DENND3: variants seen among roughly 807,000 people sequenced by gnomAD.
The protein encoded by DENND3 is DENN domain containing 3, also known as DENN domain-containing protein 3.
DENND3 carries 88 observed loss-of-function variants against 135.1 expected under a neutral mutation model. The ratio of observed to expected loss-of-function variants is 0.65; its 90% CI spans 0.55 to 0.78. DENND3 has a LOEUF of 0.78. Among genes scored for constraint, DENND3 ranks in the 30% least tolerant of loss-of-function variants. The pLI, the probability that DENND3 is intolerant of heterozygous loss-of-function variation, is 0.00. For missense variants in DENND3, 1,392 were observed against 1,688.4 expected, an observed-to-expected ratio of 0.82 and a Z score of 3.08; for synonymous variants, 693 against 712.3, an observed-to-expected ratio of 0.97 and a Z score of 0.43.
intron 1 of DENND3, among the ~76,000 whole-genome samples, chr8:141,132,636 C>T (rs566311522): frequency 2.0e-5 from 3 of 152,256 alleles, no homozygotes; most frequent in South Asian, 2.1e-4. Flanking sequence ...GGATTACAGG[C>T]GTGAGCCACT....
In DENND3 at chr8:141,156,063, T is replaced by A. The variant is rs1819390610; in HGVS notation, c.1196+93T>A. ...AGTATCTTTTCCAATTTTATATAACTGATAGATGTTTTATATATTATAGTT... is the reference window on the plus strand; with the variant it reads ...AGTATCTTTTCCAATTTTATATAACAGATAGATGTTTTATATATTATAGTT... On this transcript the variant is annotated intron_variant, in intron 8 of 22. Coordinates refer to ENST00000519811, the MANE Select transcript of DENND3 (RefSeq NM_001352890.3). The A allele has an allele frequency of 2.8e-6, 4 of 1,426,306 alleles. No homozygotes were observed. In the Admixed American group the frequency reaches 7.6e-5, roughly 27 times the overall value. 88.4% of individuals were successfully genotyped at this position (1,426,306 alleles called of 1,614,324 possible). A position where few individuals can be genotyped will look rare whatever the true frequency, so the allele number is the denominator to read the frequency against.
rs1328809333 is a variant in DENND3 at position 141,189,139 on chromosome 8, G to A, written c.3238G>A (p.Ala1080Thr). Reference protein sequence around the residue: ...TDLIVQDGQEAPSNVYSCSMD... With the variant: ...TDLIVQDGQETPSNVYSCSMD... ...TTTGATTGTGCAGGACGGACAGGAG[G>A]CACCCAGGTGCAGTAAGCTCTGCTG... is the stretch of plus-strand genomic sequence containing the variant. Residue 1080 changes from alanine to threonine, a missense_variant, in exon 19 of 23, where the codon GCA (alanine) becomes ACA (threonine). Ala to Thr is a moderately conservative substitution (Grantham distance 58). Coordinates refer to ENST00000519811, the MANE Select transcript of DENND3 (RefSeq NM_001352890.3). 1.2e-6 allele frequency: 2 copies of A among 1,614,194 alleles called. No homozygotes were observed. The highest frequency in any genetic ancestry group is 2.2e-5 in the South Asian group (2 of 91,076).
At chr8:141,187,549 G>A (rs1250112104) in intron 18 of DENND3, among the ~76,000 whole-genome samples, 1 of 152,122 alleles carries the variant, frequency 6.6e-6, no homozygotes, top group African/African-American at 2.4e-5. Context: ...TGATGGCTGT[G>A]TTCCCTTGTC....
In DENND3 at chr8:141,137,893, C is replaced by G. The variant is rs1816961772; in HGVS notation, c.386-129C>G. 1 of 870,178 alleles carries G rather than the reference C, an allele frequency of 1.1e-6. No homozygotes were observed. Among genetic ancestry groups the G allele is most frequent in the East Asian group, 2.8e-5 (1 of 36,034 alleles). The allele number at this position is 870,178 out of a possible 1,614,324, so 53.9% of individuals were successfully genotyped here. On this transcript the variant is annotated intron_variant, in intron 2 of 22. Transcript: ENST00000519811. The surrounding 1 kb of genome is among the most constrained non-coding windows in gnomAD (Gnocchi z 4.1). ...GGCGTGATCGGAAGAATGAACCCGC[C>G]TTGGACATGAAGGCACCACCACTGC...
chr8:141,144,075 T>A lies in DENND3; in HGVS notation c.624-73T>A. ...AGACGCTGGGGAGATTCCAGTGTGA[T>A]TAGAAACGCTAACGATGACAACTGC... On this transcript the variant is annotated intron_variant, in intron 4 of 22. Transcript: ENST00000519811. This position sits in a 1 kb window ranked among gnomAD's most constrained non-coding sequence, Gnocchi z 4.4. 7.7e-7 allele frequency: 1 copy of A among 1,306,818 alleles called. No individual in the cohort carries two copies. Among genetic ancestry groups the A allele is most frequent in the Non-Finnish European group, 1.1e-6 (1 of 931,486 alleles). The allele number at this position is 1,306,818 out of a possible 1,614,324, so 81.0% of individuals were successfully genotyped here.
chr8:141,130,694 T>A lies in DENND3; in HGVS notation c.102+1885T>A, dbSNP rs1382672550. 2.0e-5 allele frequency among the ~76,000 whole-genome samples: 3 copies of A among 151,140 alleles called. No individual in the cohort carries two copies. Among genetic ancestry groups the A allele is most frequent in the Non-Finnish European group, 3.0e-5 (2 of 67,618 alleles). ...AATGTCCAAGGCTTTTAAATATATT[T>A]TTTTTTTTTTGAGACAGAGTTTTGC... On this transcript the variant is annotated intron_variant, in intron 1 of 22. Transcript: ENST00000519811. The surrounding 1 kb of genome is among the most constrained non-coding windows in gnomAD (Gnocchi z 4.2).
At chr8:141,133,971 T>C (rs1428682243) in intron 1 of DENND3, among the ~76,000 whole-genome samples, 1 of 152,040 alleles carries the variant, frequency 6.6e-6, no homozygotes, top group Admixed American at 6.6e-5. Flanking sequence ...TTCAGGAGGA[T>C]GGTGCGAAGG....
At chr8:141,161,841 C>A (rs1820172370) in intron 9 of DENND3, among the ~76,000 whole-genome samples, 1 of 148,656 alleles carries the variant, frequency 6.7e-6, no homozygotes, top group African/African-American at 2.5e-5. Flanking sequence ...CACTCTGTCA[C>A]CCAGCCTGGA....
In DENND3 at chr8:141,166,426, T is replaced by C; in HGVS notation, c.1753+37T>C. On this transcript the variant is annotated intron_variant, in intron 12 of 22. Transcript: ENST00000519811. The surrounding 1 kb of genome is among the most constrained non-coding windows in gnomAD (Gnocchi z 4.3). ...CCCCCACTGTGGTGCTGTGTGTCGG[T>C]CCCACCATTCCTGCACCTGCAAGTC... 6.3e-7 allele frequency: 1 copy of C among 1,575,464 alleles called. No individual in the cohort carries two copies. The highest frequency in any genetic ancestry group is 8.6e-7 in the Non-Finnish European group (1 of 1,162,336).
chr8:141,135,041 G>GTGTT (rs1247148554), intron 1 of DENND3, among the ~76,000 whole-genome samples: 1 of 152,156 alleles, frequency 6.6e-6, no homozygotes, highest in East Asian at 1.9e-4. Flanking sequence ...GGGTTTCACT[G>GTGTT]TGTTAGCCAG....
chr8:141,187,421 C>T (rs1824037452), intron 18 of DENND3, among the ~76,000 whole-genome samples: 1 of 152,104 alleles, frequency 6.6e-6, no homozygotes, highest in African/African-American at 2.4e-5. Context: ...GATGGGGTTT[C>T]ACCGTGCTGC....
chr8:141,141,416 G>A lies in DENND3; in HGVS notation c.623+92G>A. ...AGGGACCAGGGGGCTGGAGGTGGTG[G>A]GGGGGCAGCTCTCTGTTCCTCTCCT... On this transcript the variant is annotated intron_variant, in intron 4 of 22. Coordinates refer to ENST00000519811, the MANE Select transcript of DENND3 (RefSeq NM_001352890.3). The surrounding 1 kb of genome is among the most constrained non-coding windows in gnomAD (Gnocchi z 5.3). The A allele has an allele frequency of 3.4e-6, 5 of 1,469,528 alleles. No homozygotes were observed. The highest frequency in any genetic ancestry group is 1.2e-5 in the South Asian group (1 of 84,860). 91.0% of individuals were successfully genotyped at this position (1,469,528 alleles called of 1,614,324 possible). A position where few individuals can be genotyped will look rare whatever the true frequency, so the allele number is the denominator to read the frequency against.
chr8:141,160,792 G>A lies in DENND3; in HGVS notation c.1352+5G>A, dbSNP rs1296701752. On this transcript the variant is annotated splice_donor_5th_base_variant and intron_variant, in intron 9 of 22. Transcript: ENST00000519811. Reference sequence around the variant, plus strand: ...GCTGCTCGTGAGCATCTTCAGGTACGTGAGAGAACATTCCCAGTGTCCATG... The same window carrying A: ...GCTGCTCGTGAGCATCTTCAGGTACATGAGAGAACATTCCCAGTGTCCATG... The A allele has an allele frequency of 3.1e-6, 5 of 1,604,954 alleles. No homozygotes were observed. The highest frequency in any genetic ancestry group is 2.2e-5 in the East Asian group (1 of 44,652).
chr8:141,169,959 A>G (rs1366607745), intron 13 of DENND3, among the ~76,000 whole-genome samples: 1 of 152,104 alleles, frequency 6.6e-6, no homozygotes, highest in East Asian at 1.9e-4. Flanking sequence ...TTCCTCTGAG[A>G]TGTGTACCCA....
At chr8:141,187,579 T>C (rs1231647314) in intron 18 of DENND3, among the ~76,000 whole-genome samples, 1 of 151,966 alleles carries the variant, frequency 6.6e-6, no homozygotes, top group East Asian at 1.9e-4. Context: ...TGTGGGAAAA[T>C]CCGTGGCACA....
Position 141,144,102 on chromosome 8 carries a change from T to G in DENND3, c.624-46T>G. 6.6e-7 allele frequency: 1 copy of G among 1,519,658 alleles called. No homozygotes were observed. Among genetic ancestry groups the G allele is most frequent in the East Asian group, 2.3e-5 (1 of 43,782 alleles). 94.1% of individuals were successfully genotyped at this position (1,519,658 alleles called of 1,614,324 possible). On this transcript the variant is annotated intron_variant, in intron 4 of 22. Coordinates refer to ENST00000519811, the MANE Select transcript of DENND3 (RefSeq NM_001352890.3). The surrounding 1 kb of genome is among the most constrained non-coding windows in gnomAD (Gnocchi z 4.4). ...AGAAACGCTAACGATGACAACTGCG[T>G]TCTCATCTTTATTTTGCGGTTTGAG...
At position 141,128,732 on chromosome 8, in the gene DENND3, T is replaced by C; in HGVS notation, c.25T>C (p.Leu9=). The change falls in exon 1 of 23, where the codon TTG becomes CTG. Residue 9 remains leucine (L), a synonymous_variant. Coordinates refer to ENST00000519811, the MANE Select transcript of DENND3 (RefSeq NM_001352890.3). This position sits in a 1 kb window ranked among gnomAD's most constrained non-coding sequence, Gnocchi z 4.5. MAEAASPH[L]SLPSGLLELC... The stretch of plus-strand genomic sequence containing the variant: ...CATGGCGGAGGCCGCGTCGCCGCAC[T>C]TGTCGCTGCCCTCGGGGCTGCTGGA... The C allele has an allele frequency of 7.0e-7, 1 of 1,437,626 alleles. No individual in the cohort carries two copies. Among genetic ancestry groups the C allele is most frequent in the South Asian group, 1.4e-5 (1 of 73,388 alleles). The allele number at this position is 1,437,626 out of a possible 1,614,324, so 89.1% of individuals were successfully genotyped here. A position where few individuals can be genotyped will look rare whatever the true frequency, so the allele number is the denominator to read the frequency against.
intron 5 of DENND3, among the ~76,000 whole-genome samples, chr8:141,147,367 C>T (rs1293298203): frequency 6.6e-6 from 1 of 152,226 alleles, no homozygotes; most frequent in African/African-American, 2.4e-5. Context: ...AACAGTTTCT[C>T]ACCGTCTACC....
rs1639971331 is a variant in DENND3, at chr8:141,141,843, G to A, written c.623+519G>A. On this transcript the variant is annotated intron_variant, in intron 4 of 22. Coordinates refer to ENST00000519811, the MANE Select transcript of DENND3 (RefSeq NM_001352890.3). The surrounding 1 kb of genome is among the most constrained non-coding windows in gnomAD (Gnocchi z 5.3). ...GGACTGCTTGAGCCGAGGGGTTTGA[G>A]ACAAGCCTAGGGAACATAGCAATAC... is the stretch of plus-strand genomic sequence containing the variant. 1 of 193,230 alleles carries A rather than the reference G, an allele frequency of 5.2e-6. No individual in the cohort carries two copies. 12.0% of individuals were successfully genotyped at this position (193,230 alleles called of 1,614,324 possible). A position where few individuals can be genotyped will look rare whatever the true frequency, so the allele number is the denominator to read the frequency against.
Sources: allele counts gnomAD v4.1 joint callset (sites outside exome capture counted in the v4.1 genomes callset), GRCh38; gene constraint gnomAD v4.1.1; non-coding constraint Gnocchi (gnomAD v3.1); transcripts MANE v1.5; gene names NCBI Gene and HGNC (gene_info 2026-07-23, HGNC 2026-07-21).